Variants in DENND2A observed in about 807,000 individuals in gnomAD.
DENND2A encodes the protein DENN domain-containing protein 2A.
DENND2A carries 53 observed loss-of-function variants against 105.3 expected under a neutral mutation model. The ratio of observed to expected loss-of-function variants is 0.50; its 90% CI spans 0.40 to 0.63. DENND2A has a LOEUF of 0.63. Among genes scored for constraint, DENND2A ranks in the 30% least tolerant of loss-of-function variants. DENND2A has a pLI of 0.00. For missense variants in DENND2A, 1,138 were observed against 1,279.6 expected (o/e 0.89, Z 1.69); for synonymous variants, 522 against 508.4 (o/e 1.03, Z -0.36).
At chr7:140,532,157 C>T (rs1314743008) in intron 14 of DENND2A, among the ~76,000 whole-genome samples, 2 of 150,510 alleles carry the variant, frequency 1.3e-5, no homozygotes, top group South Asian at 2.1e-4. Context: ...CCCAGCTACT[C>T]GGGAGGGAGG....
chr7:140,607,997 G>GC (rs1361272137), intron 1 of DENND2A, among the ~76,000 whole-genome samples: 2 of 152,140 alleles, frequency 1.3e-5, no homozygotes, highest in Admixed American at 6.6e-5. Context: ...CTCCCCCCAT[G>GC]CCCTCAAGAA....
chr7:140,621,497 C>A (rs1448589594), intron 1 of DENND2A, among the ~76,000 whole-genome samples: 2 of 150,672 alleles, frequency 1.3e-5, no homozygotes, highest in African/African-American at 4.9e-5. Context: ...GGCATAACTA[C>A]ATTGTACACA....
At chr7:140,572,894 C>T (rs1008370316) in intron 6 of DENND2A, among the ~76,000 whole-genome samples, 3 of 152,088 alleles carry the variant, frequency 2.0e-5, no homozygotes, top group African/African-American at 7.2e-5. Context: ...CTCTGACCTT[C>T]CCTTTTCTTC....
At chr7:140,622,789 C>T (rs1800344219) in intron 1 of DENND2A, among the ~76,000 whole-genome samples, 2 of 152,038 alleles carry the variant, frequency 1.3e-5, no homozygotes, top group Non-Finnish European at 2.9e-5. Flanking sequence ...CCAGGCTGGT[C>T]TAGAACTTCT....
intron 10 of DENND2A, among the ~76,000 whole-genome samples, 183 bp from the exon 11 acceptor site, chr7:140,558,395 G>A (rs1797467639): frequency 6.6e-6 from 1 of 152,156 alleles, no homozygotes; most frequent in African/African-American, 2.4e-5. Flanking sequence ...TAGCTTCATA[G>A]TAAATGTCAG....
At chr7:140,539,840 C>T (rs1170987498) in intron 14 of DENND2A, among the ~76,000 whole-genome samples, 1 of 152,260 alleles carries the variant, frequency 6.6e-6, no homozygotes, top group African/African-American at 2.4e-5. Context: ...CGCAGATTTC[C>T]ATCTCTTCAG....
rs947938644 is a variant in DENND2A, at chr7:140,559,879, A to C, written c.1780-62T>G. On this transcript the variant is annotated intron_variant, in intron 9 of 19. Coordinates refer to ENST00000496613, the MANE Select transcript of DENND2A (RefSeq NM_015689.5). The surrounding 1 kb of genome is among the most constrained non-coding windows in gnomAD (Gnocchi z 4.1). ...ATCTCAGCATGGGAAATTGAGGCGG[A>C]TGATGGTAAGGATGGCCTCTCCCAC... 2 of 1,282,402 alleles carry C rather than the reference A, an allele frequency of 1.6e-6. No homozygotes were observed. The highest frequency in any genetic ancestry group is 1.8e-5 in the Admixed American group (1 of 55,412). The allele number at this position is 1,282,402 out of a possible 1,614,324, so 79.4% of individuals were successfully genotyped here. A position where few individuals can be genotyped will look rare whatever the true frequency, so the allele number is the denominator to read the frequency against.
At chr7:140,599,288 A>C (rs1330155540) in intron 3 of DENND2A, among the ~76,000 whole-genome samples, 1 of 152,082 alleles carries the variant, frequency 6.6e-6, no homozygotes, top group Non-Finnish European at 1.5e-5. Context: ...CAGTGAGCTG[A>C]TATTGTGCCA....
chr7:140,520,158 T>G (rs937517593), intron 18 of DENND2A, among the ~76,000 whole-genome samples: 1 of 151,864 alleles, frequency 6.6e-6, no homozygotes, highest in Non-Finnish European at 1.5e-5. Context: ...ACAAAAAAAT[T>G]AGCCAGGTGT....
intron 3 of DENND2A, among the ~76,000 whole-genome samples, chr7:140,598,434 C>T (rs142506572): frequency 4.3e-4 from 65 of 152,238 alleles, no homozygotes; most frequent in Non-Finnish European, 7.1e-4. Context: ...TTCAGCACTA[C>T]GATTTAACAC....
At chr7:140,607,706 A>G (rs1227304874) in intron 1 of DENND2A, among the ~76,000 whole-genome samples, 2 of 151,678 alleles carry the variant, frequency 1.3e-5, no homozygotes, top group Non-Finnish European at 2.9e-5. Context: ...CACAGACACT[A>G]CTCTTCTGTC....
At chr7:140,585,239 C>T (rs1448079310) in intron 5 of DENND2A, among the ~76,000 whole-genome samples, 1 of 152,216 alleles carries the variant, frequency 6.6e-6, no homozygotes, top group Non-Finnish European at 1.5e-5. Flanking sequence ...TGGCAAAATA[C>T]TTTAAAACTA....
chr7:140,575,533 T>C (rs987674994), intron 5 of DENND2A, among the ~76,000 whole-genome samples: 10 of 152,200 alleles, frequency 6.6e-5, no homozygotes, highest in African/African-American at 2.4e-4. Flanking sequence ...GGAAACATAT[T>C]GTGCAAAGGA....
At chr7:140,537,954 G>A (rs971248608) in intron 14 of DENND2A, among the ~76,000 whole-genome samples, 3 of 152,208 alleles carry the variant, frequency 2.0e-5, no homozygotes, top group African/African-American at 7.2e-5. Flanking sequence ...AGGCGAGGGT[G>A]TAGAGAAGTA....
chr7:140,566,701 T>TTTTA (rs888200942), intron 9 of DENND2A, among the ~76,000 whole-genome samples: 1 of 150,080 alleles, frequency 6.7e-6, no homozygotes, highest in Non-Finnish European at 1.5e-5. Context: ...TTTTTTTTTT[T>TTTTA]TTTGAGACGG....
chr7:140,567,302 GAA>G (rs1554470083), intron 8 of DENND2A, 29 bp from the exon 9 acceptor site: 14,603 of 825,872 alleles, frequency 0.018, 112 homozygotes, highest in African/African-American at 0.063. Context: ...GAGAAAGAGA[GAA>G]AGAGAGAGAG....
intron 14 of DENND2A, among the ~76,000 whole-genome samples, chr7:140,536,720 A>G (rs555602900): frequency 6.6e-6 from 1 of 152,104 alleles, no homozygotes; most frequent in African/African-American, 2.4e-5. Context: ...GCTGCAGTAT[A>G]GTCGTGCCAT....
At chr7:140,577,810 G>A (rs754818160) in intron 5 of DENND2A, among the ~76,000 whole-genome samples, 2 of 152,166 alleles carry the variant, frequency 1.3e-5, no homozygotes, top group African/African-American at 2.4e-5. Flanking sequence ...TAGATAATAC[G>A]TAAATGAATG....
intron 14 of DENND2A, among the ~76,000 whole-genome samples, chr7:140,530,675 A>G (rs1796228006): frequency 6.6e-6 from 1 of 151,996 alleles, no homozygotes; most frequent in Non-Finnish European, 1.5e-5. Flanking sequence ...TAGGACTTAT[A>G]TTAAGGAGAA....
Sources: allele counts gnomAD v4.1 joint callset (sites outside exome capture counted in the v4.1 genomes callset), GRCh38; gene constraint gnomAD v4.1.1; non-coding constraint Gnocchi (gnomAD v3.1); transcripts MANE v1.5; gene names NCBI Gene and HGNC (gene_info 2026-07-23, HGNC 2026-07-21).